Variants in CRTC1 observed in about 807,000 individuals in gnomAD.
The protein encoded by CRTC1 is CREB-regulated transcription coactivator 1.
CRTC1 carries 18 observed loss-of-function variants against 66.1 expected under a neutral mutation model. The observed-to-expected ratio is 0.27, with a 90% CI of 0.19 to 0.40. The LOEUF (loss-of-function observed/expected upper bound fraction) is 0.40. Ranked by LOEUF, CRTC1 falls within the 10% of genes least tolerant of loss-of-function variation. CRTC1 has a pLI of 1.00. For synonymous variants in CRTC1, 416 were observed against 398.8 expected (o/e 1.04, Z -0.51); for missense variants, 669 against 887.9 (o/e 0.75, Z 3.13).
chr19:18,753,118 A>C (rs934754729), intron 5 of CRTC1, among the ~76,000 whole-genome samples: 1 of 150,718 alleles, frequency 6.6e-6, no homozygotes, highest in Non-Finnish European at 1.5e-5. Flanking sequence ...AAAAAAAATA[A>C]AAAAAAAATT....
chr19:18,739,084 C>T (rs532555878), intron 1 of CRTC1, among the ~76,000 whole-genome samples: 2 of 152,346 alleles, frequency 1.3e-5, no homozygotes, highest in South Asian at 2.1e-4. Flanking sequence ...ACCAGATGCC[C>T]ATCTATCTGG....
chr19:18,746,019 C>T (rs949017596), intron 3 of CRTC1, 59 bp downstream of exon 3: 6 of 1,544,830 alleles, frequency 3.9e-6, no homozygotes, highest in Non-Finnish European at 4.4e-6. Context: ...CCGGCAGGAC[C>T]CCAAGTTTAC....
At chr19:18,765,266 T>G (rs2054703017) in intron 8 of CRTC1, 138 bp from the exon 9 acceptor site, 1 of 1,296,962 alleles carries the variant, frequency 7.7e-7, no homozygotes, top group African/African-American at 1.5e-5. Flanking sequence ...TGCCCAGGTT[T>G]GGCAGTTGGG....
At chr19:18,709,034 C>G (rs939430053) in intron 1 of CRTC1, among the ~76,000 whole-genome samples, 2 of 152,158 alleles carry the variant, frequency 1.3e-5, no homozygotes, top group Admixed American at 1.3e-4. Flanking sequence ...AATGTCCACC[C>G]GGTACCTCCT....
intron 1 of CRTC1, among the ~76,000 whole-genome samples, chr19:18,722,500 AGAG>A (rs2053652122): frequency 6.6e-6 from 1 of 152,226 alleles, no homozygotes; most frequent in Non-Finnish European, 1.5e-5. Flanking sequence ...CCTTATTTAA[AGAG>A]GAGAAGACAC....
chr19:18,742,710 G>T (rs1376725970), intron 1 of CRTC1, among the ~76,000 whole-genome samples, 200 bp from the exon 2 acceptor site: 1 of 152,190 alleles, frequency 6.6e-6, no homozygotes, highest in Non-Finnish European at 1.5e-5. Flanking sequence ...GAGCCGTCCC[G>T]GCACCTCGGG....
At position 18,778,641 on chromosome 19, in the gene CRTC1, C is replaced by T. The variant is rs2055045288; in HGVS notation, c.*1259C>T. The T allele has an allele frequency of 4.3e-6, 1 of 230,522 alleles. No homozygotes were observed. Among genetic ancestry groups the T allele is most frequent in the African/African-American group, 2.2e-5 (1 of 45,190 alleles). The allele number at this position is 230,522 out of a possible 1,614,324, so 14.3% of individuals were successfully genotyped here. On this transcript the variant is annotated 3_prime_UTR_variant, in exon 14 of 14. Transcript: ENST00000321949. ...CTTTTATTGAGGGTCTCTCAAAGAC[C>T]CAGCCTGCCAGCCTCTCCCAGAGGT...
rs2055089994 is a variant in CRTC1, at chr19:18,780,920, C to T, written c.*3538C>T. 1 of 222,168 alleles carries T rather than the reference C, an allele frequency of 4.5e-6. No individual in the cohort carries two copies. The highest frequency in any genetic ancestry group is 9.0e-6 in the Non-Finnish European group (1 of 111,178). 13.8% of individuals were successfully genotyped at this position (222,168 alleles called of 1,614,324 possible). A position where few individuals can be genotyped will look rare whatever the true frequency, so the allele number is the denominator to read the frequency against. ...GGCCTTGAGCTGGTTTTTAACCAAA[C>T]ATCCTTCCAAACTCGGGCTGCGACC... On this transcript the variant is annotated 3_prime_UTR_variant, in exon 14 of 14. Transcript: ENST00000321949.
Position 18,685,665 on chromosome 19 carries a change from G to T in CRTC1, c.126+1837G>T, listed in dbSNP as rs139950242. 5.2e-3 allele frequency among the ~76,000 whole-genome samples: 788 copies of T among 152,136 alleles called. 6 individuals are homozygous for T. The highest frequency in any genetic ancestry group is 6.4e-3 in the Non-Finnish European group (433 of 67,992). On this transcript the variant is annotated intron_variant, in intron 1 of 13. Coordinates refer to ENST00000321949, the MANE Select transcript of CRTC1 (RefSeq NM_015321.3). ...AGAGTGAAACTCCATTTCAAAAAAA[G>T]AAAATAAGAAGAAAGTGTGCAACTT... is the stretch of plus-strand genomic sequence containing the variant.
chr19:18,767,201 A>C (rs1217465533), intron 9 of CRTC1, among the ~76,000 whole-genome samples: 1 of 151,846 alleles, frequency 6.6e-6, no homozygotes, highest in Non-Finnish European at 1.5e-5. Flanking sequence ...TTTAATTTTA[A>C]TTTAATTTTT....
chr19:18,742,179 C>T (rs1235797905), intron 1 of CRTC1, among the ~76,000 whole-genome samples: 1 of 152,172 alleles, frequency 6.6e-6, no homozygotes, highest in Non-Finnish European at 1.5e-5. Context: ...GGGAGGAGGC[C>T]AGCTTCCAGC....
chr19:18,777,164 C>CGG lies in CRTC1; in HGVS notation c.1694-7_1694-6insGG. The CGG allele has an allele frequency of 7.3e-7, 1 of 1,374,166 alleles. No homozygotes were observed. The highest frequency in any genetic ancestry group is 1.0e-6 in the Non-Finnish European group (1 of 969,418). 85.1% of individuals were successfully genotyped at this position (1,374,166 alleles called of 1,614,324 possible). On this transcript the variant is annotated splice_polypyrimidine_tract_variant and splice_region_variant and intron_variant, in intron 13 of 13. Transcript: ENST00000321949. The surrounding 1 kb of genome is among the most constrained non-coding windows in gnomAD (Gnocchi z 5.5). ...GCAGTGCCTTTTGTCCCCACCCCAT[C>CGG]CCCCAGTGACAGGAGAGTCCCCCCC...
At chr19:18,722,838 T>A (rs2053658705) in intron 1 of CRTC1, among the ~76,000 whole-genome samples, 1 of 152,190 alleles carries the variant, frequency 6.6e-6, no homozygotes, top group South Asian at 2.1e-4. Context: ...TTCTGGATAT[T>A]TCATATCAAT....
chr19:18,730,524 G>T (rs527957053), intron 1 of CRTC1, among the ~76,000 whole-genome samples: 33 of 152,214 alleles, frequency 2.2e-4, no homozygotes, highest in African/African-American at 7.2e-4. Context: ...GCCGCTCCTT[G>T]TGCTGTCCTG....
At chr19:18,707,691 C>A (rs2053296465) in intron 1 of CRTC1, among the ~76,000 whole-genome samples, 1 of 152,082 alleles carries the variant, frequency 6.6e-6, no homozygotes, top group African/African-American at 2.4e-5. Flanking sequence ...GTAGTATTGC[C>A]ACCTCTGAAA....
At chr19:18,748,933 C>T (rs559262691) in intron 4 of CRTC1, among the ~76,000 whole-genome samples, 1 of 152,254 alleles carries the variant, frequency 6.6e-6, no homozygotes, top group East Asian at 1.9e-4. Context: ...GTGTGTTCAT[C>T]TCCATTGTAG....
At chr19:18,773,162 G>A (rs2054907643) in intron 11 of CRTC1, among the ~76,000 whole-genome samples, 1 of 152,118 alleles carries the variant, frequency 6.6e-6, no homozygotes, top group Non-Finnish European at 1.5e-5. Flanking sequence ...GCTCATGGAG[G>A]TATAGGGACA....
chr19:18,690,884 G>A (rs1259457881), intron 1 of CRTC1, among the ~76,000 whole-genome samples: 4 of 152,026 alleles, frequency 2.6e-5, no homozygotes, highest in African/African-American at 4.8e-5. Context: ...AAATTAGCTG[G>A]GCGTGGTGGT....
chr19:18,712,941 C>T (rs1478342954), intron 1 of CRTC1, among the ~76,000 whole-genome samples: 2 of 150,114 alleles, frequency 1.3e-5, no homozygotes, highest in Admixed American at 6.6e-5. Flanking sequence ...GGCTGGGTGA[C>T]GGAGCAAGAC....
Sources: gnomAD v4.1 joint callset for allele counts (sites outside exome capture counted in the v4.1 genomes callset) on GRCh38, gnomAD v4.1.1 for gene constraint, Gnocchi (gnomAD v3.1) non-coding constraint, MANE v1.5 for transcripts, NCBI Gene and HGNC (gene_info 2026-07-23, HGNC 2026-07-21) for gene names.